RNLS: variants seen among roughly 807,000 people sequenced by gnomAD.
The protein encoded by RNLS is renalase.
RNLS carries 39 observed loss-of-function variants against 39.8 expected under a neutral mutation model. The observed-to-expected ratio is 0.98, with a 90% CI of 0.76 to 1.28. The LOEUF (loss-of-function observed/expected upper bound fraction) is 1.28. Ranked by LOEUF, RNLS falls within the 50% of genes most tolerant of loss-of-function variation. The pLI, the probability that RNLS is intolerant of heterozygous loss-of-function variation, is 0.00. For missense variants in RNLS, 410 were observed against 413.3 expected, an observed-to-expected ratio of 0.99 and a Z score of 0.07; for synonymous variants, 147 against 150.7, an observed-to-expected ratio of 0.98 and a Z score of 0.18.
intron 4 of RNLS, among the ~76,000 whole-genome samples, chr10:88,527,672 C>T (rs2134226220): frequency 6.6e-6 from 1 of 152,176 alleles, no homozygotes; most frequent in Non-Finnish European, 1.5e-5. Flanking sequence ...AATCCCTCTT[C>T]CCCCCACATA....
intron 4 of RNLS, among the ~76,000 whole-genome samples, chr10:88,438,357 C>T (rs779247996): frequency 3.3e-5 from 5 of 152,188 alleles, no homozygotes; most frequent in Non-Finnish European, 5.9e-5. Context: ...ACTGCCCCCA[C>T]TCCAGACTTC....
chr10:88,377,460 T>C (rs931999017), intron 4 of RNLS, among the ~76,000 whole-genome samples: 4 of 152,188 alleles, frequency 2.6e-5, no homozygotes. Flanking sequence ...CTTACACAAA[T>C]GTAGCTAGTA....
At chr10:88,546,061 T>C (rs1022316561) in intron 4 of RNLS, among the ~76,000 whole-genome samples, 3 of 152,082 alleles carry the variant, frequency 2.0e-5, no homozygotes, top group South Asian at 2.1e-4. Context: ...GAAAAATATA[T>C]ATATGACAAG....
At chr10:88,204,560 G>T in the RNLS span, among the ~76,000 whole-genome samples, 1 of 152,060 alleles carries the variant, frequency 6.6e-6, no homozygotes, top group South Asian at 2.1e-4. Context: ...TAATAATAAT[G>T]AGAATAATGA....
At position 88,279,055 on chromosome 10, in the gene RNLS, C is replaced by G. The variant is rs73360725; in HGVS notation, c.877-4023G>C. 5.8e-3 allele frequency among the ~76,000 whole-genome samples: 889 copies of G among 152,238 alleles called. 8 individuals are homozygous for G. Among genetic ancestry groups the G allele is most frequent in the African/African-American group, 0.02 (839 of 41,538 alleles). On this transcript the variant is annotated intron_variant, in intron 6 of 6. Coordinates refer to the RNLS transcript ENST00000371947. ...GTAAGTACACATGGGGTAAGTATCA[C>G]AAGAGTGGGGAGGCTAGATCGGCTG...
chr10:88,209,885 C>G, the RNLS span, among the ~76,000 whole-genome samples: 1 of 152,168 alleles, frequency 6.6e-6, no homozygotes, highest in Admixed American at 6.6e-5. Context: ...CTCCATTTTA[C>G]AAGAGAAAGA....
intron 4 of RNLS, among the ~76,000 whole-genome samples, chr10:88,455,242 T>G (rs899590084): frequency 6.9e-6 from 1 of 145,692 alleles, no homozygotes; most frequent in Non-Finnish European, 1.5e-5. Flanking sequence ...TTGATTGGAA[T>G]GATGGACAAT....
At chr10:88,238,688 C>T in the RNLS span, among the ~76,000 whole-genome samples, 1 of 152,174 alleles carries the variant, frequency 6.6e-6, no homozygotes, top group African/African-American at 2.4e-5. Flanking sequence ...GAAGGACAGA[C>T]GATTGGGCAC....
At chr10:88,410,300 A>G (rs1853574897) in intron 4 of RNLS, among the ~76,000 whole-genome samples, 1 of 152,144 alleles carries the variant, frequency 6.6e-6, no homozygotes, top group Non-Finnish European at 1.5e-5. Flanking sequence ...ATCAGAGTTA[A>G]TGATTTTTAC....
Position 88,367,175 on chromosome 10 carries a change from G to C in RNLS, c.527-4450C>G, listed in dbSNP as rs1850185256. ...AACACATCTGTAAAACTGGCAGTCA[G>C]ATCAAGAAACAGAGCATTACCAGAA... On this transcript the variant is annotated intron_variant, in intron 4 of 6. Coordinates refer to ENST00000331772, the MANE Select transcript of RNLS (RefSeq NM_001031709.3). Among the ~76,000 whole-genome samples the C allele has an allele frequency of 2.0e-5, 3 of 152,138 alleles. No homozygotes were observed. The South Asian group carries it at 6.2e-4, about 32-fold the overall frequency.
At chr10:88,288,215 G>C (rs1490437063) in intron 6 of RNLS, among the ~76,000 whole-genome samples, 2 of 152,130 alleles carry the variant, frequency 1.3e-5, no homozygotes, top group Non-Finnish European at 2.9e-5. Flanking sequence ...GCAACCCTAT[G>C]AGGTGGTTAC....
intron 4 of RNLS, among the ~76,000 whole-genome samples, chr10:88,415,432 A>G (rs1183396059): frequency 6.6e-6 from 1 of 152,194 alleles, no homozygotes; most frequent in Non-Finnish European, 1.5e-5. Context: ...CCAAAACAAA[A>G]TCTCAACCAT....
At chr10:88,387,003 T>G (rs1851897313) in intron 4 of RNLS, among the ~76,000 whole-genome samples, 1 of 152,238 alleles carries the variant, frequency 6.6e-6, no homozygotes, top group Non-Finnish European at 1.5e-5. Context: ...AAAAGTGATC[T>G]GTACACCCAA....
At chr10:88,352,218 C>T (rs1035625091) in intron 5 of RNLS, among the ~76,000 whole-genome samples, 2 of 152,080 alleles carry the variant, frequency 1.3e-5, no homozygotes, top group Non-Finnish European at 2.9e-5. Context: ...TTGCCCTGGC[C>T]AGAACTTCCA....
At position 88,581,712 on chromosome 10, in the gene RNLS, G is replaced by T. The variant is rs1279537498; in HGVS notation, c.225-3C>A. 1 of 1,549,372 alleles carries T rather than the reference G, an allele frequency of 6.5e-7. No individual in the cohort carries two copies. The highest frequency in any genetic ancestry group is 2.0e-5 in the Admixed American group (1 of 49,014). ...AGGCTAACAGTTCATCATAAAAACT[G>T]AAATAAATCAATATGTATATTTAAT... is the stretch of plus-strand genomic sequence containing the variant. On this transcript the variant is annotated splice_region_variant and splice_polypyrimidine_tract_variant and intron_variant, in intron 2 of 6. Coordinates refer to ENST00000331772, the MANE Select transcript of RNLS (RefSeq NM_001031709.3).
rs1590044155 is a variant in RNLS at position 88,573,030 on chromosome 10, T to C, written c.399A>G (p.Thr133=). 1 of 1,614,016 alleles carries C rather than the reference T, an allele frequency of 6.2e-7. No homozygotes were observed. Among genetic ancestry groups the C allele is most frequent in the East Asian group, 2.2e-5 (1 of 44,884 alleles). Residue 133 remains threonine (T), a synonymous_variant, in exon 4 of 7, where the codon ACA becomes ACG. Transcript: ENST00000331772. ...ATTTGTCATCTCTTAGGTTGATCTG[T>C]GTCACACGATGTCTGAAGTAGACTT... ...GAEVYFRHRV[T]QINLRDDKWE...
At chr10:88,222,232 C>T in the RNLS span, among the ~76,000 whole-genome samples, 1 of 152,166 alleles carries the variant, frequency 6.6e-6, no homozygotes, top group Non-Finnish European at 1.5e-5. Flanking sequence ...TAGGATTCAA[C>T]CCACCTTGGA....
chr10:88,486,734 G>A (rs1161419336), intron 4 of RNLS, among the ~76,000 whole-genome samples: 1 of 152,150 alleles, frequency 6.6e-6, no homozygotes, highest in Non-Finnish European at 1.5e-5. Context: ...AGGTTGCAGA[G>A]AAAAGGGAAC....
the RNLS span, among the ~76,000 whole-genome samples, chr10:88,252,650 A>G: frequency 7.0e-6 from 1 of 143,360 alleles, no homozygotes; most frequent in African/African-American, 2.6e-5. Context: ...CATGGGTGCT[A>G]ATCACCCTGT....
Sources: allele counts gnomAD v4.1 joint callset (sites outside exome capture counted in the v4.1 genomes callset), GRCh38; gene constraint gnomAD v4.1.1; transcripts MANE v1.5; gene names NCBI Gene and HGNC (gene_info 2026-07-23, HGNC 2026-07-21).